STK32B: variants seen among roughly 807,000 people sequenced by gnomAD.
STK32B encodes serine/threonine kinase 32B, also known as serine/threonine-protein kinase 32B.
In STK32B, 43 loss-of-function variants were observed where a neutral mutation model predicts 52.6. The observed-to-expected ratio is 0.82, with a 90% CI of 0.64 to 1.05. The LOEUF is 1.05. STK32B is among the 50% of genes least tolerant of loss of function. STK32B has a pLI of 0.00. For synonymous variants in STK32B, 238 were observed against 204.3 expected, an observed-to-expected ratio of 1.17 and a Z score of -1.41; for missense variants, 621 against 534.6, an observed-to-expected ratio of 1.16 and a Z score of -1.59.
At chr4:5,161,956 C>G (rs1718482685) in intron 2 of STK32B, among the ~76,000 whole-genome samples, 1 of 151,974 alleles carries the variant, frequency 6.6e-6, no homozygotes, top group Non-Finnish European at 1.5e-5. Context: ...GAGTGCTTCT[C>G]AAGCTGGGGG....
chr4:5,438,918 C>A (rs1335990738), intron 6 of STK32B, among the ~76,000 whole-genome samples: 2 of 151,730 alleles, frequency 1.3e-5, no homozygotes, highest in African/African-American at 2.4e-5. Flanking sequence ...CATGTCCCTA[C>A]AAAGGACATG....
intron 3 of STK32B, among the ~76,000 whole-genome samples, chr4:5,316,622 T>TA (rs1730816744): frequency 3.0e-4 from 3 of 9,868 alleles, no homozygotes; most frequent in Non-Finnish European, 3.9e-4. Flanking sequence ...TTATATATTA[T>TA]ATATATAATA....
chr4:5,051,836 C>G lies in STK32B; in HGVS notation c.-28C>G. ...CGCATCCGGCATCCCAGCGGCCGGG[C>G]ATGTAGCAGCGGCAGCAACGGCGGA... is the stretch of plus-strand genomic sequence containing the variant. On this transcript the variant is annotated 5_prime_UTR_variant, in exon 1 of 12. Transcript: ENST00000282908. 1 of 1,586,012 alleles carries G rather than the reference C, an allele frequency of 6.3e-7. No homozygotes were observed. The highest frequency in any genetic ancestry group is 8.6e-7 in the Non-Finnish European group (1 of 1,166,870).
At chr4:5,425,350 A>G (rs368776293) in intron 6 of STK32B, among the ~76,000 whole-genome samples, 24 of 152,150 alleles carry the variant, frequency 1.6e-4, no homozygotes, top group Admixed American at 5.2e-4. Flanking sequence ...CTTTGTAGAT[A>G]TTATTGAGGC....
chr4:5,250,454 A>G (rs1188101536), intron 3 of STK32B, among the ~76,000 whole-genome samples: 1 of 151,768 alleles, frequency 6.6e-6, no homozygotes, highest in Non-Finnish European at 1.5e-5. Flanking sequence ...CTGGGATTAC[A>G]TGCATGTATC....
intron 9 of STK32B, among the ~76,000 whole-genome samples, chr4:5,462,786 TCCC>T (rs1717136945): frequency 6.6e-6 from 1 of 152,076 alleles, no homozygotes; most frequent in East Asian, 1.9e-4. Context: ...GCCAGTAGCA[TCCC>T]CTCTGTTGTG....
chr4:5,055,458 C>T (rs1000843812), intron 1 of STK32B, among the ~76,000 whole-genome samples: 11 of 152,074 alleles, frequency 7.2e-5, no homozygotes, highest in Non-Finnish European at 5.9e-5. Context: ...TCCCTACCCC[C>T]GTCACTGTCC....
At chr4:5,111,369 C>A (rs1714393452) in intron 1 of STK32B, among the ~76,000 whole-genome samples, 1 of 152,084 alleles carries the variant, frequency 6.6e-6, no homozygotes, top group African/African-American at 2.4e-5. Flanking sequence ...ATCTAAGTGT[C>A]CATCAGCAGT....
At chr4:5,195,081 G>C (rs1427271604) in intron 3 of STK32B, among the ~76,000 whole-genome samples, 1 of 152,076 alleles carries the variant, frequency 6.6e-6, no homozygotes, top group African/African-American at 2.4e-5. Flanking sequence ...GGGATTGTTT[G>C]CTTTTCTAGA....
chr4:5,222,357 T>A (rs1723592333), intron 3 of STK32B, among the ~76,000 whole-genome samples: 1 of 152,070 alleles, frequency 6.6e-6, no homozygotes, highest in South Asian at 2.1e-4. Flanking sequence ...CTCTACAGTA[T>A]CCAGAATTGA....
chr4:5,383,849 A>G (rs575893841), intron 4 of STK32B, among the ~76,000 whole-genome samples: 63 of 152,316 alleles, frequency 4.1e-4, no homozygotes, highest in African/African-American at 1.5e-3. Flanking sequence ...AGTCCTTGTG[A>G]TACAGCAGTG....
chr4:5,410,774 G>T (rs544932843), intron 5 of STK32B, among the ~76,000 whole-genome samples: 1 of 152,328 alleles, frequency 6.6e-6, no homozygotes, highest in African/African-American at 2.4e-5. Flanking sequence ...ATGAAGAAAG[G>T]TGATAGGATT....
chr4:5,440,905 A>T (rs1270259598), intron 6 of STK32B, among the ~76,000 whole-genome samples: 2 of 151,302 alleles, frequency 1.3e-5, no homozygotes, highest in South Asian at 4.2e-4. Context: ...GCTGGATTAC[A>T]TTTATTGATT....
At position 5,224,342 on chromosome 4, in the gene STK32B, G is replaced by A. The variant is rs747347416; in HGVS notation, c.260+55892G>A. 6.6e-5 allele frequency among the ~76,000 whole-genome samples: 10 copies of A among 152,210 alleles called. No individual in the cohort carries two copies. The South Asian group carries it at 1.2e-3, about 19-fold the overall frequency. ...CTCCCAATGCACTTAGCTCCAGCTT[G>A]TCAGAACCTGCATATCTTTTTTGGA... On this transcript the variant is annotated intron_variant, in intron 3 of 11. Coordinates refer to ENST00000282908, the MANE Select transcript of STK32B (RefSeq NM_018401.3).
intron 3 of STK32B, among the ~76,000 whole-genome samples, chr4:5,197,482 G>C (rs960606309): frequency 1.2e-4 from 18 of 152,116 alleles, no homozygotes; most frequent in African/African-American, 4.3e-4. Context: ...CTCTGTATCA[G>C]TTTTTTTCAG....
chr4:5,230,178 CTTTTTTTTTTTTTTTT>C (rs752036100), intron 3 of STK32B, among the ~76,000 whole-genome samples: 5 of 71,114 alleles, frequency 7.0e-5, no homozygotes, highest in Non-Finnish European at 9.4e-5. Flanking sequence ...CATGCATTCC[CTTTTTTTTTTTTTTTT>C]TTTTTTTTTT....
At chr4:5,370,058 T>C (rs1242069812) in intron 4 of STK32B, among the ~76,000 whole-genome samples, 1 of 151,970 alleles carries the variant, frequency 6.6e-6, no homozygotes, top group African/African-American at 2.4e-5. Flanking sequence ...GTATTTTTAG[T>C]AGAGACGGGG....
chr4:5,041,804 C>CTTTTTT, the STK32B span, among the ~76,000 whole-genome samples: 1 of 149,596 alleles, frequency 6.7e-6, no homozygotes, highest in Non-Finnish European at 1.5e-5. Flanking sequence ...CAGCCTTTAT[C>CTTTTTT]TTTTTTTTTT....
intron 3 of STK32B, among the ~76,000 whole-genome samples, chr4:5,273,770 C>G (rs948438460): frequency 1.5e-5 from 2 of 137,688 alleles, no homozygotes; most frequent in Non-Finnish European, 1.5e-5. Flanking sequence ...CATATTCTCA[C>G]TCATAGGTGG....
Sources: allele counts gnomAD v4.1 joint callset (sites outside exome capture counted in the v4.1 genomes callset), GRCh38; gene constraint gnomAD v4.1.1; transcripts MANE v1.5; gene names NCBI Gene and HGNC (gene_info 2026-07-23, HGNC 2026-07-21).